The following PKD1L1 variants were observed in gnomAD, a reference collection of about 807,000 sequenced individuals.
PKD1L1 encodes polycystin-1-like protein 1.
A neutral mutation model predicts 323.4 loss-of-function variants in PKD1L1; 236 were observed. The observed-to-expected ratio is 0.73, with a 90% CI of 0.66 to 0.81. The LOEUF is 0.81. PKD1L1 is among the 40% of genes least tolerant of loss of function. The pLI is 0.00. For missense variants in PKD1L1, 3,320 were observed against 3,508.0 expected (o/e 0.95, Z 1.35); for synonymous variants, 1,344 against 1,335.0 (o/e 1.01, Z -0.15).
At chr7:47,876,305 A>T in intron 22 of PKD1L1, 88 bp from the exon 23 acceptor site, 1 of 1,446,484 alleles carries the variant, frequency 6.9e-7, no homozygotes, top group Middle Eastern at 2.3e-4. Flanking sequence ...CTGAGCCTTC[A>T]TTGTACCAAG....
chr7:47,854,888 A>G lies in PKD1L1; in HGVS notation c.4853T>C (p.Leu1618Pro), dbSNP rs1413605381. 6.2e-7 allele frequency: 1 copy of G among 1,613,988 alleles called. No individual in the cohort carries two copies. The highest frequency in any genetic ancestry group is 1.3e-5 in the African/African-American group (1 of 74,944). ...GCTGTCACCATCAACACACCTTACT[A>G]GCAACATGACGGGAAATGCCCTTGT... ...PVTRAFPVML[L>P]VRFSEKPTPS... Residue 1618 changes from leucine (L) to proline (P), a missense_variant, in exon 30 of 57, where the codon CTA becomes CCA. Transcript: ENST00000289672.
intron 49 of PKD1L1, among the ~76,000 whole-genome samples, chr7:47,812,908 T>C (rs1220583861): frequency 6.6e-6 from 1 of 152,274 alleles, no homozygotes; most frequent in Non-Finnish European, 1.5e-5. Flanking sequence ...GAACGTTTGC[T>C]CTGTGCTCTC....
At chr7:47,937,261 GGGGGGGGGGGCGC>G (rs1309640322) in intron 3 of PKD1L1, among the ~76,000 whole-genome samples, 2 of 3,412 alleles carry the variant, frequency 5.9e-4, no homozygotes, top group Non-Finnish European at 1.2e-3. Flanking sequence ...GGTGGGGGTG[GGGGGGGGGGGCGC>G]GGTGCTTTTT....
intron 7 of PKD1L1, among the ~76,000 whole-genome samples, chr7:47,923,544 TA>T (rs929618736): frequency 7.9e-5 from 12 of 150,944 alleles, no homozygotes; most frequent in African/African-American, 2.2e-4. Flanking sequence ...AAATAAATTT[TA>T]AAAAAAACAA....
At chr7:47,890,455 T>G (rs956367127) in intron 16 of PKD1L1, 87 bp downstream of exon 16, 23 of 1,342,422 alleles carry the variant, frequency 1.7e-5, no homozygotes, top group Middle Eastern at 2.2e-4. Context: ...CTGCTTGCTG[T>G]GCACAGCAGA....
chr7:47,864,481 A>G (rs768526526), intron 26 of PKD1L1, among the ~76,000 whole-genome samples: 6 of 152,150 alleles, frequency 3.9e-5, no homozygotes, highest in Non-Finnish European at 7.4e-5. Flanking sequence ...GCCCCTTGCC[A>G]AAATTATTCA....
chr7:47,907,201 A>T (rs1279208146), intron 9 of PKD1L1, among the ~76,000 whole-genome samples: 6 of 152,252 alleles, frequency 3.9e-5, no homozygotes, highest in Non-Finnish European at 8.8e-5. Context: ...AAACAGGTAC[A>T]GCCACTGTGT....
chr7:47,831,148 G>C (rs1275288934), intron 42 of PKD1L1, 69 bp downstream of exon 42: 3 of 1,539,472 alleles, frequency 1.9e-6, no homozygotes, highest in African/African-American at 2.8e-5. Flanking sequence ...AGAAATGCAG[G>C]GATTTGTTTA....
intron 14 of PKD1L1, among the ~76,000 whole-genome samples, chr7:47,896,763 T>A (rs1786945292): frequency 1.3e-5 from 2 of 152,080 alleles, no homozygotes; most frequent in Admixed American, 6.5e-5. Context: ...CCCCTTGGCT[T>A]CTTACAATTA....
rs1277070979 is a variant in PKD1L1, at chr7:47,904,363, CT to C, written c.1931+14del. On this transcript the variant is annotated intron_variant, in intron 12 of 56. Transcript: ENST00000289672. The stretch of plus-strand genomic sequence containing the variant: ...CTGTCTGTAGAGAGCACTCCGCCGC[CT>C]TGCAGTGGCTCACCTACTGTAGACA... 9.3e-6 allele frequency: 15 copies of C among 1,613,756 alleles called. No homozygotes were observed. The highest frequency in any genetic ancestry group is 1.7e-5 in the Admixed American group (1 of 60,000).
chr7:47,904,229 T>C lies in PKD1L1; in HGVS notation c.1931+149A>G, dbSNP rs1787150703. On this transcript the variant is annotated intron_variant, in intron 12 of 56. Coordinates refer to ENST00000289672, the MANE Select transcript of PKD1L1 (RefSeq NM_138295.5). ...TGGACTAGGAGCTCCTTGAGAAGCA[T>C]GGTCAGGTCTTATTTGTCTCTGTGT... 7.5e-6 allele frequency: 8 copies of C among 1,068,664 alleles called. No individual in the cohort carries two copies. In the South Asian group the frequency reaches 9.7e-5, roughly 13 times the overall value. 66.2% of individuals were successfully genotyped at this position (1,068,664 alleles called of 1,614,324 possible).
At chr7:47,806,789 G>C (rs1191406045) in intron 52 of PKD1L1, among the ~76,000 whole-genome samples, 1 of 152,252 alleles carries the variant, frequency 6.6e-6, no homozygotes, top group Non-Finnish European at 1.5e-5. Flanking sequence ...TGCTAGGAAT[G>C]CAATATCCGG....
intron 33 of PKD1L1, 82 bp downstream of exon 33, chr7:47,844,913 C>G: frequency 8.7e-7 from 1 of 1,152,844 alleles, no homozygotes; most frequent in South Asian, 1.5e-5. Context: ...TTCAAGCACC[C>G]CCGGAATTAT....
intron 28 of PKD1L1, among the ~76,000 whole-genome samples, chr7:47,856,202 T>C (rs906184564): frequency 1.3e-5 from 2 of 152,126 alleles, no homozygotes; most frequent in African/African-American, 2.4e-5. Context: ...CACACTCGGC[T>C]AATTTTTGTA....
chr7:47,839,519 A>C lies in PKD1L1; in HGVS notation c.5696T>G (p.Leu1899Arg), dbSNP rs755521158. 6.2e-7 allele frequency: 1 copy of C among 1,612,314 alleles called. No homozygotes were observed. ...GCGACCATCATGCCTGCCGGCAGAC[A>C]GCCAGCACTGGGCAGGGAAGAACCA... ...QGWFFPAQCW[L>R]SAGRHDGRVE... The change falls in exon 36 of 57, where the codon CTG becomes CGG. Residue 1899 changes from leucine (L) to arginine (R), a missense_variant. Leu to Arg is a moderately radical substitution (Grantham distance 102). Transcript: ENST00000289672. The surrounding 1 kb of genome is among the most constrained non-coding windows in gnomAD (Gnocchi z 4.3).
At chr7:47,873,804 A>G (rs1786339146) in intron 24 of PKD1L1, 95 bp downstream of exon 24, 1 of 855,130 alleles carries the variant, frequency 1.2e-6, no homozygotes, top group East Asian at 2.6e-5. Context: ...AGTTCCTGAC[A>G]TGTTTTTGAC....
chr7:47,816,233 C>A (rs1785016139), intron 46 of PKD1L1, among the ~76,000 whole-genome samples: 1 of 152,252 alleles, frequency 6.6e-6, no homozygotes, highest in African/African-American at 2.4e-5. Context: ...AGTGTTGGCA[C>A]AAACACTAGT....
chr7:47,817,287 T>C (rs187127898), intron 46 of PKD1L1, among the ~76,000 whole-genome samples: 14 of 152,124 alleles, frequency 9.2e-5, no homozygotes, highest in Admixed American at 1.3e-4. Flanking sequence ...ACCACGGAAA[T>C]TGGCTGGCAG....
In PKD1L1 at chr7:47,831,328, A is replaced by G. The variant is rs755972198; in HGVS notation, c.6362T>C (p.Leu2121Pro). 1 of 1,614,066 alleles carries G rather than the reference A, an allele frequency of 6.2e-7. No homozygotes were observed. Among genetic ancestry groups the G allele is most frequent in the South Asian group, 1.1e-5 (1 of 91,050 alleles). The change falls in exon 42 of 57, where the codon CTA becomes CCA. Residue 2121 changes from leucine (L) to proline (P), a missense_variant. Transcript: ENST00000289672. ...AAGGGCCCTTGACCACTGGGGCATT[A>G]GTCCCTCCAAACCACTGCTGGGTGC... ...TQAPSSGLEG[L>P]MPQWSRALQP...
Sources: gnomAD v4.1 joint callset for allele counts (sites outside exome capture counted in the v4.1 genomes callset) on GRCh38, gnomAD v4.1.1 for gene constraint, Gnocchi (gnomAD v3.1) non-coding constraint, MANE v1.5 for transcripts, NCBI Gene and HGNC (gene_info 2026-07-23, HGNC 2026-07-21) for gene names.